ZNF714: variants seen among roughly 807,000 people sequenced by gnomAD.
ZNF714 encodes zinc finger protein 714.
ZNF714 carries 32 observed loss-of-function variants against 46.2 expected under a neutral mutation model. That is an observed-to-expected ratio of 0.69 (90% confidence interval 0.52 to 0.93). The LOEUF (loss-of-function observed/expected upper bound fraction) is 0.93, where lower values mean the gene tolerates loss of function less well. Among genes scored for constraint, ZNF714 ranks in the 40% least tolerant of loss-of-function variants. The pLI, the probability that ZNF714 is intolerant of heterozygous loss-of-function variation, is 0.00. For synonymous variants in ZNF714, 199 were observed against 213.1 expected, an observed-to-expected ratio of 0.93 and a Z score of 0.58; for missense variants, 635 against 646.3, an observed-to-expected ratio of 0.98 and a Z score of 0.19.
intron 1 of ZNF714, 117 bp from the exon 2 acceptor site, chr19:21,083,861 A>G (rs1482713766): frequency 2.9e-6 from 1 of 340,078 alleles, no homozygotes; most frequent in Non-Finnish European, 5.0e-6. Flanking sequence ...GCCACCCTTT[A>G]GTTTTTTTCT....
At chr19:21,091,923 G>T (rs757965285) in intron 2 of ZNF714, among the ~76,000 whole-genome samples, 1 of 152,156 alleles carries the variant, frequency 6.6e-6, no homozygotes, top group African/African-American at 2.4e-5. Context: ...ACTAAGCCCT[G>T]AATCAGGGTC....
At chr19:21,100,714 A>G (rs973870386) in intron 4 of ZNF714, among the ~76,000 whole-genome samples, 1 of 151,576 alleles carries the variant, frequency 6.6e-6, no homozygotes, top group Non-Finnish European at 1.5e-5. Flanking sequence ...AGTTTAGACA[A>G]TTTTGTTGTT....
At chr19:21,107,887 A>C (rs1969360173) in intron 4 of ZNF714, among the ~76,000 whole-genome samples, 1 of 152,040 alleles carries the variant, frequency 6.6e-6, no homozygotes, top group South Asian at 2.1e-4. Context: ...AGTTTTATTC[A>C]GTTTTGGTCA....
intron 4 of ZNF714, among the ~76,000 whole-genome samples, chr19:21,110,681 T>C (rs1181168284): frequency 6.6e-6 from 1 of 152,200 alleles, no homozygotes; most frequent in Non-Finnish European, 1.5e-5. Context: ...TCCTGAATGG[T>C]ATTGCCTAAA....
chr19:21,098,952 A>G, intron 4 of ZNF714, 42 bp downstream of exon 4: 1 of 1,131,518 alleles, frequency 8.8e-7, no homozygotes, highest in African/African-American at 1.9e-5. Flanking sequence ...GATGAGAGGT[A>G]CAAAGGTAAA....
rs1398040203 is a variant in ZNF714 at position 21,118,437 on chromosome 19, G to A, written c.*105G>A. 5.6e-6 allele frequency: 2 copies of A among 355,908 alleles called. No individual in the cohort carries two copies. Among genetic ancestry groups the A allele is most frequent in the African/African-American group, 4.8e-5 (2 of 42,030 alleles). The allele number at this position is 355,908 out of a possible 1,614,324, so 22.0% of individuals were successfully genotyped here. A position where few individuals can be genotyped will look rare whatever the true frequency, so the allele number is the denominator to read the frequency against. ...ATTCTACTCCAGCCTGGGCCACAAGGCAAGACTCTGTCTCAAAAAAAAAAA... is the reference window on the plus strand; with the variant it reads ...ATTCTACTCCAGCCTGGGCCACAAGACAAGACTCTGTCTCAAAAAAAAAAA... On this transcript the variant is annotated 3_prime_UTR_variant, in exon 5 of 5. Coordinates refer to ENST00000456283, the MANE Select transcript of ZNF714 (RefSeq NM_182515.4).
Position 21,117,821 on chromosome 19 carries a change from T to C in ZNF714, c.1157T>C (p.Ile386Thr), listed in dbSNP as rs185325871. ...TTTAACCACTCCTCAAAACTTACTA[T>C]ACATAAGATAATTCATACTGGAGAG... ...KAFNHSSKLT[I>T]HKIIHTGEKP... The change falls in exon 5 of 5, where the codon ATA becomes ACA. Residue 386 changes from isoleucine (I) to threonine (T), a missense_variant. Transcript: ENST00000456283. The C allele has an allele frequency of 7.9e-4, 1,265 of 1,593,506 alleles. 6 individuals are homozygous for C. The African/African-American group carries it at 0.015, about 19-fold the overall frequency.
At chr19:21,096,354 T>G (rs1381930708) in intron 2 of ZNF714, among the ~76,000 whole-genome samples, 2 of 152,056 alleles carry the variant, frequency 1.3e-5, no homozygotes, top group African/African-American at 4.8e-5. Context: ...GTGTTACTTG[T>G]CCAGAGAATT....
chr19:21,112,551 T>TTTTTTAC (rs1969471007), intron 4 of ZNF714, among the ~76,000 whole-genome samples: 1 of 148,892 alleles, frequency 6.7e-6, no homozygotes, highest in Non-Finnish European at 1.5e-5. Flanking sequence ...TTTTTTTGAA[T>TTTTTTAC]GGTTTTTTTG....
At chr19:21,093,270 T>G (rs754117319) in intron 2 of ZNF714, among the ~76,000 whole-genome samples, 23 of 151,982 alleles carry the variant, frequency 1.5e-4, no homozygotes, top group Non-Finnish European at 3.1e-4. Context: ...TTCACTCTTG[T>G]TGCCCAGGCT....
chr19:21,093,229 G>A (rs1425383781), intron 2 of ZNF714, among the ~76,000 whole-genome samples: 1 of 150,176 alleles, frequency 6.7e-6, no homozygotes, highest in African/African-American at 2.5e-5. Context: ...TCTTGTTTTT[G>A]TTTAATTTAT....
At chr19:21,112,242 G>A (rs373460765) in intron 4 of ZNF714, among the ~76,000 whole-genome samples, 4 of 152,176 alleles carry the variant, frequency 2.6e-5, no homozygotes, top group South Asian at 4.1e-4. Flanking sequence ...TAGGCTATTG[G>A]CTATTTGTTA....
intron 2 of ZNF714, among the ~76,000 whole-genome samples, chr19:21,086,844 A>C (rs1035688885): frequency 2.6e-5 from 4 of 152,126 alleles, no homozygotes; most frequent in Non-Finnish European, 2.9e-5. Flanking sequence ...TTGTAGAGGG[A>C]TGAAGATTCA....
intron 2 of ZNF714, among the ~76,000 whole-genome samples, chr19:21,096,495 A>T (rs189062536): frequency 0.011 from 1,729 of 152,220 alleles, 20 homozygotes; most frequent in Middle Eastern, 0.024. Context: ...GCAAACCTTT[A>T]CTTCTCTACT....
intron 2 of ZNF714, among the ~76,000 whole-genome samples, chr19:21,087,398 C>T (rs1431928953): frequency 6.6e-5 from 10 of 151,934 alleles, no homozygotes. Flanking sequence ...CAAAAACAGT[C>T]CAAAAATAGT....
At chr19:21,087,927 A>C (rs770379995) in intron 2 of ZNF714, among the ~76,000 whole-genome samples, 1 of 152,220 alleles carries the variant, frequency 6.6e-6, no homozygotes, top group Non-Finnish European at 1.5e-5. Flanking sequence ...ACATGTTACA[A>C]TGTTAACTCT....
At chr19:21,105,084 G>A (rs551512453) in intron 4 of ZNF714, among the ~76,000 whole-genome samples, 16 of 133,868 alleles carry the variant, frequency 1.2e-4, no homozygotes, top group Non-Finnish European at 2.1e-4. Context: ...GGGTGCAATC[G>A]TGTGATCTTG....
rs1194487313 is a variant in ZNF714 at position 21,124,000 on chromosome 19, T to A, written c.*5668T>A. The A allele has an allele frequency of 6.6e-6, 1 of 152,190 alleles. No individual in the cohort carries two copies. The highest frequency in any genetic ancestry group is 1.5e-5 in the Non-Finnish European group (1 of 68,028). The allele number at this position is 152,190 out of a possible 1,614,324, so 9.4% of individuals were successfully genotyped here. A position where few individuals can be genotyped will look rare whatever the true frequency, so the allele number is the denominator to read the frequency against. The stretch of plus-strand genomic sequence containing the variant: ...AAACTAGTTTACTGTGTTCACAGAC[T>A]GGCCAGTCATGGGACCATAAGCAAC... On this transcript the variant is annotated 3_prime_UTR_variant, in exon 5 of 5. Transcript: ENST00000456283.
chr19:21,113,790 G>A (rs1055261019), intron 4 of ZNF714, among the ~76,000 whole-genome samples: 2 of 152,038 alleles, frequency 1.3e-5, no homozygotes, highest in Non-Finnish European at 2.9e-5. Context: ...GGTTACAAGC[G>A]TGAGCCACCA....
Sources: allele counts gnomAD v4.1 joint callset (sites outside exome capture counted in the v4.1 genomes callset), GRCh38; gene constraint gnomAD v4.1.1; transcripts MANE v1.5; gene names NCBI Gene and HGNC (gene_info 2026-07-23, HGNC 2026-07-21).